The following IFT140 variants were observed in gnomAD, a reference collection of about 807,000 sequenced individuals.
IFT140 encodes intraflagellar transport 140.
Under a neutral mutation model 164.6 loss-of-function variants are expected in IFT140, and 133 were observed. That is an observed-to-expected ratio of 0.81 (90% CI 0.70 to 0.93). IFT140 has a LOEUF of 0.93. Among genes scored for constraint, IFT140 ranks in the 40% least tolerant of loss-of-function variants. The pLI, the probability that IFT140 is intolerant of heterozygous loss-of-function variation, is 0.00. For missense variants in IFT140, 2,045 were observed against 1,972.3 expected, an observed-to-expected ratio of 1.04 and a Z score of -0.70; for synonymous variants, 860 against 817.3, an observed-to-expected ratio of 1.05 and a Z score of -0.89.
rs771279803 is a variant in IFT140 at position 1,583,381 on chromosome 16, A to G, written c.1365T>C (p.Ala455=). The change falls in exon 12 of 31, where the codon GCT becomes GCC. Residue 455 remains alanine, a synonymous_variant. Transcript: ENST00000426508. The part of the protein sequence containing the change: ...HISGVFATKD[A]VAVWNGRQVA... ...CCTGCCTTCCGTTCCAGACTGCGAC[A>G]GCATCCTGAAAAGAACCACGGACAT... The G allele has an allele frequency of 6.2e-7, 1 of 1,613,998 alleles. No homozygotes were observed. Among genetic ancestry groups the G allele is most frequent in the Admixed American group, 1.7e-5 (1 of 59,998 alleles).
chr16:1,597,606 T>C (rs923206127), intron 4 of IFT140, among the ~76,000 whole-genome samples: 5 of 152,172 alleles, frequency 3.3e-5, no homozygotes, highest in Admixed American at 6.5e-5. Flanking sequence ...TTCCGAGTGT[T>C]GTTCCCTCTT....
chr16:1,607,305 GA>G lies in IFT140; in HGVS notation c.-31-9del, dbSNP rs149450334. The G allele has an allele frequency of 2.4e-4, 366 of 1,498,024 alleles. No individual in the cohort carries two copies. The highest frequency in any genetic ancestry group is 4.6e-4 in the South Asian group (37 of 80,304). 92.8% of individuals were successfully genotyped at this position (1,498,024 alleles called of 1,614,324 possible). On this transcript the variant is annotated splice_polypyrimidine_tract_variant and intron_variant, in intron 2 of 30. Transcript: ENST00000426508. Reference sequence around the variant, plus strand: ...CCTCCTCAGCGCTGAAACCTGCAGGGAAAAAAAAATGACCAAGTCCAATCAG... The same window carrying G: ...CCTCCTCAGCGCTGAAACCTGCAGGGAAAAAAAATGACCAAGTCCAATCAG...
chr16:1,546,047 C>T (rs897145332), intron 19 of IFT140, among the ~76,000 whole-genome samples: 1 of 152,258 alleles, frequency 6.6e-6, no homozygotes, highest in African/African-American at 2.4e-5. Context: ...CTCTCCTCCT[C>T]GTGGCCTCTT....
chr16:1,541,983 C>A, intron 19 of IFT140: 1 of 1,611,204 alleles, frequency 6.2e-7, no homozygotes, highest in Non-Finnish European at 8.5e-7. Flanking sequence ...CGCAGGCCAG[C>A]TCACCTTCCT....
intron 14 of IFT140, among the ~76,000 whole-genome samples, chr16:1,570,667 C>A (rs531061262): frequency 6.6e-6 from 1 of 152,208 alleles, no homozygotes; most frequent in Non-Finnish European, 1.5e-5. Flanking sequence ...ACTTTCCCCC[C>A]ACACCCTTTA....
In IFT140 at chr16:1,602,368, A is replaced by G; in HGVS notation, c.369+2T>C. On this transcript the variant is annotated splice_donor_variant, in intron 4 of 30. Coordinates refer to ENST00000426508, the MANE Select transcript of IFT140 (RefSeq NM_014714.4). LOFTEE classifies it high-confidence loss of function. Reference sequence around the variant, plus strand: ...AACAGCGTCTTGCGCGTGTTGACTCACCCTGTCCCCAGACAGCAGGCAGTT... The same window carrying G: ...AACAGCGTCTTGCGCGTGTTGACTCGCCCTGTCCCCAGACAGCAGGCAGTT... 6.2e-7 allele frequency: 1 copy of G among 1,613,624 alleles called. No individual in the cohort carries two copies. Among genetic ancestry groups the G allele is most frequent in the Non-Finnish European group, 8.5e-7 (1 of 1,179,550 alleles).
chr16:1,596,516 T>C (rs528081529), intron 4 of IFT140, among the ~76,000 whole-genome samples: 12 of 152,280 alleles, frequency 7.9e-5, no homozygotes, highest in Middle Eastern at 3.4e-3. Flanking sequence ...AAGAGGTTGT[T>C]GGATGCAAAA....
intron 2 of IFT140, 100 bp from the exon 3 acceptor site, chr16:1,607,397 A>G (rs2036132032): frequency 1.9e-6 from 2 of 1,065,992 alleles, no homozygotes; most frequent in Non-Finnish European, 2.7e-6. Context: ...CAAAGCCACC[A>G]TCGGAAGACC....
At chr16:1,591,070 T>C (rs2035154005) in intron 6 of IFT140, among the ~76,000 whole-genome samples, 1 of 152,184 alleles carries the variant, frequency 6.6e-6, no homozygotes, top group African/African-American at 2.4e-5. Context: ...TTACCCCCTT[T>C]TCCACATAAG....
chr16:1,602,320 G>T, intron 4 of IFT140, 50 bp downstream of exon 4: 1 of 1,510,692 alleles, frequency 6.6e-7, no homozygotes. Flanking sequence ...CTCGAGCATG[G>T]TCAGAAAGGG....
rs1163726981 is a variant in IFT140 at position 1,546,691 on chromosome 16, T to C, written c.2399+11244A>G. Among the ~76,000 whole-genome samples the C allele has an allele frequency of 3.9e-5, 6 of 152,120 alleles. No homozygotes were observed. In the East Asian group the frequency reaches 1.2e-3, roughly 29 times the overall value. ...TGGCAAGAACACTGCCAGGATCCGT[T>C]CATGGAGCAGGGCCCTCCCGCCCGC... On this transcript the variant is annotated intron_variant, in intron 19 of 30. Transcript: ENST00000426508.
chr16:1,523,870 C>T lies in IFT140; in HGVS notation c.3228G>A (p.Glu1076=). ...CCGCCCTGTCCATCTGCACGCCCTT[C>T]TCCTCGTAGTATCGGGCCGCCTCGA... ...DMIEAARYYE[E]KGVQMDRAVM... is the part of the protein sequence containing the mutation. Residue 1076 remains glutamate, a synonymous_variant, in exon 25 of 31, where the codon GAG becomes GAA. Coordinates refer to ENST00000426508, the MANE Select transcript of IFT140 (RefSeq NM_014714.4). 1 of 1,613,572 alleles carries T rather than the reference C, an allele frequency of 6.2e-7. No individual in the cohort carries two copies. Among genetic ancestry groups the T allele is most frequent in the Non-Finnish European group, 8.5e-7 (1 of 1,180,006 alleles).
chr16:1,557,607 T>TTTTAGTG (rs2033171766), intron 19 of IFT140: 1 of 256,910 alleles, frequency 3.9e-6, no homozygotes, highest in African/African-American at 2.2e-5. Context: ...ACCTGGCTGT[T>TTTTAGTG]TTTAGTGTTT....
chr16:1,525,738 A>G (rs2040670174), intron 21 of IFT140, 149 bp downstream of exon 21: 1 of 832,904 alleles, frequency 1.2e-6, no homozygotes, highest in Non-Finnish European at 1.8e-6. Context: ...AGACTCCCAG[A>G]AGCTTCCTGC....
chr16:1,604,318 G>GTGTGTGTGTT (rs765604573), intron 3 of IFT140: 1 of 67,312 alleles, frequency 1.5e-5, no homozygotes, highest in Admixed American at 1.3e-4. Flanking sequence ...TGTGTGTGTG[G>GTGTGTGTGTT]AGGGGGGAGC....
chr16:1,527,856 G>C (rs2029888793), intron 19 of IFT140, among the ~76,000 whole-genome samples: 1 of 152,178 alleles, frequency 6.6e-6, no homozygotes, highest in Non-Finnish European at 1.5e-5. Flanking sequence ...GACAGGCATG[G>C]GCCACCGCGC....
chr16:1,585,770 T>C (rs1030874702), intron 10 of IFT140, among the ~76,000 whole-genome samples: 8 of 144,476 alleles, frequency 5.5e-5, no homozygotes, highest in South Asian at 2.3e-4. Context: ...CACTTTCTTT[T>C]TTTTTTTTTT....
intron 6 of IFT140, 81 bp from the exon 7 acceptor site, chr16:1,589,861 C>G (rs893127070): frequency 4.1e-5 from 53 of 1,283,744 alleles, no homozygotes; most frequent in Non-Finnish European, 5.7e-5. Context: ...CCATTTCTAT[C>G]AACTTAAGGA....
In IFT140 at chr16:1,523,581, G is replaced by A. The variant is rs765923171; in HGVS notation, c.3390C>T (p.Ser1130=). ...ACTGACTGTGCTCGATGAAGAAGTC[G>A]GAGCAGCGGGCCAGGAGCGCAGGGT... The part of the protein sequence containing the change: ...TSDPALLARC[S]DFFIEHSQYE... Residue 1130 remains serine (S), a synonymous_variant, in exon 26 of 31, where the codon TCC becomes TCT. Transcript: ENST00000426508. The A allele has an allele frequency of 2.3e-5, 37 of 1,613,770 alleles. 2 individuals carry two copies. In the Middle Eastern group the frequency reaches 4.1e-3, roughly 180 times the overall value.
Sources: gnomAD v4.1 joint callset for allele counts (sites outside exome capture counted in the v4.1 genomes callset) on GRCh38, gnomAD v4.1.1 for gene constraint, MANE v1.5 for transcripts, NCBI Gene and HGNC (gene_info 2026-07-23, HGNC 2026-07-21) for gene names.